Variants in ENOX2 observed in about 807,000 individuals in gnomAD.
The protein encoded by ENOX2 is ecto-NOX disulfide-thiol exchanger 2, also known as APK1 antigen.
In ENOX2, 36 loss-of-function variants were observed where a neutral mutation model predicts 45.0. That is an observed-to-expected ratio of 0.80 (90% CI 0.61 to 1.06). The LOEUF (loss-of-function observed/expected upper bound fraction) is 1.06. Among genes scored for constraint, ENOX2 ranks in the 50% least tolerant of loss-of-function variants. The probability of loss-of-function intolerance (pLI) is 0.00; values close to 1 mark genes in which losing one functional copy is unlikely to be tolerated. For synonymous variants in ENOX2, 174 were observed against 152.3 expected (o/e 1.14, Z -1.05); for missense variants, 423 against 462.5 (o/e 0.91, Z 0.78).
intron 3 of ENOX2, 88 bp from the exon 4 acceptor site, chrX:130,703,342 T>C (rs2148220913): frequency 1.1e-6 from 1 of 920,302 alleles, no homozygotes; most frequent in East Asian, 3.3e-5. Context: ...GCAAACTGTT[T>C]ATAGAAATGG....
intron 2 of ENOX2, among the ~76,000 whole-genome samples, chrX:130,791,002 C>G (rs1006195798): frequency 9.0e-6 from 1 of 111,532 alleles, no homozygotes; most frequent in Non-Finnish European, 1.9e-5. Flanking sequence ...TTTGTTTTTC[C>G]TTTTTGTGGT....
At chrX:130,767,031 A>G (rs10521760) in intron 3 of ENOX2, among the ~76,000 whole-genome samples, 34 of 111,706 alleles carry the variant, frequency 3.0e-4, no homozygotes, top group African/African-American at 1.0e-3. Context: ...ACTACTTCAT[A>G]AGAATGTTGC....
chrX:130,875,880 G>T (rs2078689484), intron 2 of ENOX2, among the ~76,000 whole-genome samples: 1 of 112,064 alleles, frequency 8.9e-6, no homozygotes, highest in Non-Finnish European at 1.9e-5. Flanking sequence ...ATGGTAGAAA[G>T]TATTTTCAAA....
rs763158471 is a variant in ENOX2, at chrX:130,785,675, G to GAT, written c.-182-1987_-182-1986dup. Among the ~76,000 whole-genome samples, 4 of 112,470 alleles carry GAT rather than the reference G, an allele frequency of 3.6e-5. No homozygotes were observed. In the East Asian group the frequency reaches 1.1e-3, roughly 31 times the overall value. ...CCAAGACTATTTAAAAAGAAGACTA[G>GAT]ATGTTTATTCCATTTACAAATGAAG... On this transcript the variant is annotated intron_variant, in intron 2 of 14. Transcript: ENST00000394363.
At chrX:130,742,157 TA>T in intron 3 of ENOX2, among the ~76,000 whole-genome samples, 1 of 109,199 alleles carries the variant, frequency 9.2e-6, no homozygotes, top group African/African-American at 3.3e-5. Flanking sequence ...AATGGCTTAT[TA>T]AACAGATGAT....
At chrX:130,857,155 A>C (rs1454565157) in intron 2 of ENOX2, among the ~76,000 whole-genome samples, 1 of 112,419 alleles carries the variant, frequency 8.9e-6, no homozygotes, top group Admixed American at 9.4e-5. Flanking sequence ...GATAACGCTC[A>C]ACAACATGGG....
At chrX:130,701,102 A>T (rs2037886541) in intron 4 of ENOX2, among the ~76,000 whole-genome samples, 1 of 111,750 alleles carries the variant, frequency 8.9e-6, no homozygotes, top group Non-Finnish European at 1.9e-5. Context: ...AGTATTGAAT[A>T]TTACTTTGTG....
intron 2 of ENOX2, among the ~76,000 whole-genome samples, chrX:130,857,512 G>A (rs1264907107): frequency 5.4e-5 from 6 of 111,996 alleles, no homozygotes. Flanking sequence ...TAGTCAAAGG[G>A]TATAAAGTTT....
chrX:130,629,359 C>T (rs764509861), intron 13 of ENOX2, among the ~76,000 whole-genome samples: 1 of 112,898 alleles, frequency 8.9e-6, no homozygotes, highest in Non-Finnish European at 1.9e-5. Flanking sequence ...TGTGGGTTCA[C>T]ACCCAAAAAG....
In ENOX2 at chrX:130,635,110, G is replaced by A. The variant is rs2035898692; in HGVS notation, c.1312-19C>T. 1.1e-6 allele frequency: 1 copy of A among 940,171 alleles called. No homozygotes were observed. The highest frequency in any genetic ancestry group is 2.0e-5 in the African/African-American group (1 of 51,253). The allele number at this position is 940,171 out of a possible 1,213,427, so 77.5% of individuals were successfully genotyped here. A position where few individuals can be genotyped will look rare whatever the true frequency, so the allele number is the denominator to read the frequency against. On this transcript the variant is annotated intron_variant, in intron 11 of 14. Transcript: ENST00000394363. ...GTAGATGCTACAAGAAAAGACCAAA[G>A]ACAATCAATTTATGAATTACGGAGC...
chrX:130,718,814 C>T (rs750758415), intron 3 of ENOX2, among the ~76,000 whole-genome samples: 22 of 111,911 alleles, frequency 2.0e-4, no homozygotes, highest in African/African-American at 6.8e-4. Flanking sequence ...TCCCCAAATC[C>T]CACTGTACCT....
intron 3 of ENOX2, among the ~76,000 whole-genome samples, chrX:130,750,213 A>G (rs1434892274): frequency 9.0e-6 from 1 of 110,957 alleles, no homozygotes; most frequent in Non-Finnish European, 1.9e-5. Flanking sequence ...CTGGTGCTCT[A>G]TGTCTGCCTT....
chrX:130,856,442 T>C (rs1159688508), intron 2 of ENOX2, among the ~76,000 whole-genome samples: 2 of 111,505 alleles, frequency 1.8e-5, no homozygotes, highest in Non-Finnish European at 3.8e-5. Context: ...TATGGTGTTA[T>C]TTCTCCAACA....
intron 2 of ENOX2, among the ~76,000 whole-genome samples, chrX:130,829,949 A>T (rs935298191): frequency 9.8e-5 from 11 of 111,843 alleles, no homozygotes; most frequent in Non-Finnish European, 9.4e-5. Context: ...AGTTAAGAAG[A>T]ACCTTAAAGA....
chrX:130,856,700 G>T (rs1473208124), intron 2 of ENOX2, among the ~76,000 whole-genome samples: 1 of 110,948 alleles, frequency 9.0e-6, no homozygotes, highest in Non-Finnish European at 1.9e-5. Context: ...ATTTCCAAAA[G>T]GAACTAAGGT....
At chrX:130,819,258 C>T (rs192302613) in intron 2 of ENOX2, among the ~76,000 whole-genome samples, 4 of 111,820 alleles carry the variant, frequency 3.6e-5, no homozygotes, top group East Asian at 2.8e-4. Flanking sequence ...GAAACAGGAA[C>T]GCTTTCACAC....
At chrX:130,848,821 CA>C (rs202197123) in intron 2 of ENOX2, among the ~76,000 whole-genome samples, 2 of 108,080 alleles carry the variant, frequency 1.9e-5, no homozygotes, top group Middle Eastern at 4.7e-3. Flanking sequence ...ACAAAACAAA[CA>C]AAAAAAAACC....
chrX:130,799,813 C>T (rs895139496), intron 2 of ENOX2, among the ~76,000 whole-genome samples: 8 of 111,114 alleles, frequency 7.2e-5, no homozygotes, highest in African/African-American at 2.6e-4. Flanking sequence ...TTTCCTAGTA[C>T]CACCTACACA....
chrX:130,672,476 G>T (rs970561796), intron 6 of ENOX2, among the ~76,000 whole-genome samples: 9 of 112,815 alleles, frequency 8.0e-5, no homozygotes, highest in Non-Finnish European at 1.7e-4. Context: ...CACTGCTGGC[G>T]CCTGACCACT....
Sources: allele counts gnomAD v4.1 joint callset (sites outside exome capture counted in the v4.1 genomes callset), GRCh38; gene constraint gnomAD v4.1.1; transcripts MANE v1.5; gene names NCBI Gene and HGNC (gene_info 2026-07-23, HGNC 2026-07-21).